The following KIF6 variants were observed in gnomAD, a reference collection of about 807,000 sequenced individuals.
KIF6 encodes kinesin family member 6.
In KIF6, 106 loss-of-function variants were observed where a neutral mutation model predicts 112.7. That is an observed-to-expected ratio of 0.94 (90% CI 0.80 to 1.11). The LOEUF is 1.11. Ranked by LOEUF, KIF6 falls within the 50% of genes least tolerant of loss-of-function variation. The probability of loss-of-function intolerance (pLI) is 0.00; values close to 1 mark genes in which losing one functional copy is unlikely to be tolerated. For synonymous variants in KIF6, 339 were observed against 339.9 expected (o/e 1.00, Z 0.03); for missense variants, 929 against 964.0 (o/e 0.96, Z 0.48).
chr6:39,355,265 C>T (rs1764555578), intron 19 of KIF6, among the ~76,000 whole-genome samples: 1 of 151,880 alleles, frequency 6.6e-6, no homozygotes, highest in Admixed American at 6.6e-5. Context: ...TATATATATA[C>T]ACATATATAT....
chr6:39,345,689 A>C lies in KIF6; in HGVS notation c.2321+11T>G. ...GGGCTGTCACAGGCATAACAGGAGA[A>C]GACCACAGACCTGTCTTCCAGTGGG... On this transcript the variant is annotated intron_variant, in intron 21 of 22. Coordinates refer to ENST00000287152, the MANE Select transcript of KIF6 (RefSeq NM_145027.6). 1 of 1,609,886 alleles carries C rather than the reference A, an allele frequency of 6.2e-7. No homozygotes were observed. Among genetic ancestry groups the C allele is most frequent in the Non-Finnish European group, 8.5e-7 (1 of 1,177,960 alleles).
chr6:39,515,239 A>C (rs560712212), intron 13 of KIF6, among the ~76,000 whole-genome samples: 1 of 152,354 alleles, frequency 6.6e-6, no homozygotes, highest in African/African-American at 2.4e-5. Context: ...CTGAATGTCT[A>C]GAAACAGGAA....
At chr6:39,674,439 G>A (rs1026944474) in intron 3 of KIF6, among the ~76,000 whole-genome samples, 2 of 152,104 alleles carry the variant, frequency 1.3e-5, no homozygotes, top group African/African-American at 2.4e-5. Flanking sequence ...TGAGCATCAC[G>A]AAGGAAGGAG....
At chr6:39,497,020 G>A (rs536539986) in intron 13 of KIF6, among the ~76,000 whole-genome samples, 5 of 152,228 alleles carry the variant, frequency 3.3e-5, no homozygotes, top group South Asian at 4.1e-4. Context: ...TGCCTTGCCC[G>A]CCTTTGCAGG....
intron 5 of KIF6, among the ~76,000 whole-genome samples, chr6:39,616,736 C>T (rs1783542029): frequency 2.6e-5 from 4 of 152,180 alleles, no homozygotes; most frequent in African/African-American, 9.6e-5. Flanking sequence ...TATGTTCATG[C>T]CTTTGCTCAT....
intron 9 of KIF6, 101 bp from the exon 10 acceptor site, chr6:39,578,260 C>T (rs1781085722): frequency 2.8e-6 from 2 of 723,982 alleles, no homozygotes; most frequent in African/African-American, 1.8e-5. Context: ...ATTTTATGGA[C>T]ACAAAAATGG....
At chr6:39,336,680 TC>T in intron 22 of KIF6, 132 bp from the exon 23 acceptor site, 1 of 774,258 alleles carries the variant, frequency 1.3e-6, no homozygotes, top group Non-Finnish European at 2.3e-6. Context: ...GTGTCTTGCC[TC>T]CCAGGAGCTG....
intron 13 of KIF6, among the ~76,000 whole-genome samples, chr6:39,529,526 C>T (rs1362465239): frequency 6.6e-6 from 1 of 152,170 alleles, no homozygotes; most frequent in Admixed American, 6.5e-5. Context: ...GTGGCTCATG[C>T]CTGTAATCCC....
At chr6:39,567,566 GCCTAGCAT>G (rs995435297) in intron 10 of KIF6, among the ~76,000 whole-genome samples, 2 of 151,750 alleles carry the variant, frequency 1.3e-5, no homozygotes, top group African/African-American at 4.8e-5. Context: ...AATCCACAAG[GCCTAGCAT>G]CCAGTGGATA....
At chr6:39,353,814 A>G (rs942334856) in intron 19 of KIF6, 1 of 366,636 alleles carries the variant, frequency 2.7e-6, no homozygotes, top group Non-Finnish European at 5.1e-6. Flanking sequence ...TCCGGCATGC[A>G]GCAGATGCTG....
chr6:39,340,661 A>G (rs931017046), intron 22 of KIF6, among the ~76,000 whole-genome samples: 5 of 152,186 alleles, frequency 3.3e-5, no homozygotes, highest in African/African-American at 7.2e-5. Flanking sequence ...GTAGTTTGCC[A>G]TACATATTTT....
intron 21 of KIF6, 125 bp downstream of exon 21, chr6:39,345,575 C>T: frequency 1.4e-6 from 1 of 704,912 alleles, no homozygotes; most frequent in Non-Finnish European, 2.4e-6. Flanking sequence ...AGGGCAGAGG[C>T]CAGACCTGGG....
At chr6:39,574,347 C>T (rs752706655) in intron 10 of KIF6, among the ~76,000 whole-genome samples, 19 of 152,088 alleles carry the variant, frequency 1.2e-4, no homozygotes, top group Non-Finnish European at 2.4e-4. Context: ...GTGGTCATTC[C>T]TTGAGAAAGG....
chr6:39,677,570 T>C (rs1484931873), intron 3 of KIF6, among the ~76,000 whole-genome samples: 2 of 149,554 alleles, frequency 1.3e-5, no homozygotes, highest in African/African-American at 4.9e-5. Context: ...TTAGGGTACA[T>C]GTGCACATTG....
chr6:39,467,088 C>G (rs2150433295), intron 13 of KIF6, among the ~76,000 whole-genome samples: 1 of 152,276 alleles, frequency 6.6e-6, no homozygotes, highest in South Asian at 2.1e-4. Flanking sequence ...CCCCAAGGAA[C>G]TGAGGGTACT....
At chr6:39,575,028 T>A (rs1780863630) in intron 10 of KIF6, among the ~76,000 whole-genome samples, 1 of 152,222 alleles carries the variant, frequency 6.6e-6, no homozygotes, top group African/African-American at 2.4e-5. Flanking sequence ...GTTTTATAGA[T>A]GTAATACCAT....
intron 15 of KIF6, among the ~76,000 whole-genome samples, chr6:39,410,151 G>A (rs573317658): frequency 6.6e-6 from 1 of 152,318 alleles, no homozygotes; most frequent in East Asian, 1.9e-4. Flanking sequence ...AGGAGTCCTG[G>A]TTTATATACA....
chr6:39,641,244 TAGAA>T (rs1784882090), intron 3 of KIF6, among the ~76,000 whole-genome samples: 1 of 152,118 alleles, frequency 6.6e-6, no homozygotes, highest in Admixed American at 6.6e-5. Context: ...TGATTCTTGA[TAGAA>T]AGAATAGATG....
At chr6:39,625,673 TG>T (rs1419737038) in intron 5 of KIF6, among the ~76,000 whole-genome samples, 3 of 152,018 alleles carry the variant, frequency 2.0e-5, no homozygotes, top group Admixed American at 6.6e-5. Flanking sequence ...AAATGAAACA[TG>T]TAATGCAAAA....
Sources: gnomAD v4.1 joint callset for allele counts (sites outside exome capture counted in the v4.1 genomes callset) on GRCh38, gnomAD v4.1.1 for gene constraint, MANE v1.5 for transcripts, NCBI Gene and HGNC (gene_info 2026-07-23, HGNC 2026-07-21) for gene names.